The following KNTC1 variants were observed in gnomAD, a reference collection of about 807,000 sequenced individuals.
KNTC1 encodes the protein kinetochore associated 1, also known as kinetochore-associated protein 1.
In KNTC1, 253 loss-of-function variants were observed where a neutral mutation model predicts 314.4. That is an observed-to-expected ratio of 0.80 (90% CI 0.73 to 0.89). The LOEUF is 0.89. Ranked by LOEUF, KNTC1 falls within the 40% of genes least tolerant of loss-of-function variation. The pLI is 0.00. For missense variants in KNTC1, 2,475 were observed against 2,572.9 expected, an observed-to-expected ratio of 0.96 and a Z score of 0.82; for synonymous variants, 901 against 901.4, an observed-to-expected ratio of 1.00 and a Z score of 0.01.
At chr12:122,547,842 C>A in intron 11 of KNTC1, 73 bp from the exon 12 acceptor site, 1 of 847,220 alleles carries the variant, frequency 1.2e-6, no homozygotes, top group Non-Finnish European at 1.8e-6. Flanking sequence ...CTTTTTTAAT[C>A]AATAGATAAT....
chr12:122,570,364 C>G (rs933836636), intron 22 of KNTC1, among the ~76,000 whole-genome samples: 3 of 151,836 alleles, frequency 2.0e-5, no homozygotes, highest in Non-Finnish European at 2.9e-5. Context: ...ACTAAAAATA[C>G]AAAAATTAGC....
rs544891629 is a variant in KNTC1 at position 122,603,427 on chromosome 12, T to C, written c.5101+184T>C. On this transcript the variant is annotated intron_variant, in intron 48 of 63. Transcript: ENST00000333479. The stretch of plus-strand genomic sequence containing the variant: ...AGGCAGGCAATTTCCAACTTGTCCT[T>C]GTGCCGCCTTTGGGGTGTGACCTTT... Among the ~76,000 whole-genome samples the C allele has an allele frequency of 2.8e-4, 43 of 152,088 alleles. No individual in the cohort carries two copies. The South Asian group carries it at 8.9e-3, about 32-fold the overall frequency.
chr12:122,537,379 C>G (rs965657160), intron 3 of KNTC1, among the ~76,000 whole-genome samples: 1 of 152,074 alleles, frequency 6.6e-6, no homozygotes, highest in Non-Finnish European at 1.5e-5. Flanking sequence ...CACCTTCTTA[C>G]ATGTCTCACA....
intron 26 of KNTC1, among the ~76,000 whole-genome samples, 193 bp downstream of exon 26, chr12:122,573,478 A>G (rs2137926122): frequency 1.3e-5 from 2 of 152,292 alleles, no homozygotes; most frequent in South Asian, 4.1e-4. Flanking sequence ...AGGACTGTGA[A>G]CCCGGAAAAT....
At chr12:122,576,248 A>G (rs573220693) in intron 29 of KNTC1, among the ~76,000 whole-genome samples, 196 of 152,014 alleles carry the variant, frequency 1.3e-3, no homozygotes, top group African/African-American at 4.6e-3. Context: ...TATTTTTAGT[A>G]GAGATGGGGT....
chr12:122,585,908 G>A, intron 37 of KNTC1, 134 bp downstream of exon 37: 1 of 755,866 alleles, frequency 1.3e-6, no homozygotes, highest in Non-Finnish European at 2.2e-6. Flanking sequence ...TAAAGAAGCA[G>A]ATACAAAAGA....
At position 122,622,558 on chromosome 12, in the gene KNTC1, A is replaced by G. The variant is rs1380399900; in HGVS notation, c.6466A>G (p.Asn2156Asp). ...YFQMLKMHAM[N>D]TNNITELVNY... ...TCAAATGTTGAAGATGCATGCGATG[A>G]ATACCAACAATATCACTGAGCTAGT... The change falls in exon 62 of 64, where the codon AAT becomes GAT. Residue 2156 changes from asparagine to aspartate, a missense_variant. Asn to Asp is a conservative substitution (Grantham distance 23). Transcript: ENST00000333479. 1.3e-6 allele frequency: 2 copies of G among 1,569,484 alleles called. No individual in the cohort carries two copies. The highest frequency in any genetic ancestry group is 1.2e-5 in the South Asian group (1 of 85,330).
intron 4 of KNTC1, among the ~76,000 whole-genome samples, chr12:122,539,210 C>G (rs1962089185): frequency 6.6e-6 from 1 of 152,162 alleles, no homozygotes; most frequent in South Asian, 2.1e-4. Flanking sequence ...TTCCAGTCAG[C>G]TTGTTAAGGG....
chr12:122,602,600 A>G lies in KNTC1; in HGVS notation c.4685A>G (p.Tyr1562Cys). Residue 1562 changes from tyrosine to cysteine, a missense_variant, in exon 46 of 64, where the codon TAC becomes TGC. Coordinates refer to ENST00000333479, the MANE Select transcript of KNTC1 (RefSeq NM_014708.6). ...AGTATTCTGAAACATTTGAAGTCAT[A>G]CAGAAGAATTTCTCCTCCCGTGGAT... ...ALSILKHLKS[Y>C]RRISPPVDLE... The G allele has an allele frequency of 6.2e-7, 1 of 1,611,356 alleles. No individual in the cohort carries two copies. Among genetic ancestry groups the G allele is most frequent in the Non-Finnish European group, 8.5e-7 (1 of 1,178,030 alleles).
At chr12:122,535,889 G>GTTT (rs1190271040) in intron 3 of KNTC1, among the ~76,000 whole-genome samples, 5 of 133,526 alleles carry the variant, frequency 3.7e-5, no homozygotes, top group Admixed American at 1.5e-4. Context: ...TATTATGAAA[G>GTTT]TTTTTTTTTT....
intron 1 of KNTC1, 144 bp from the exon 2 acceptor site, chr12:122,529,847 A>C: frequency 2.5e-6 from 1 of 402,658 alleles, no homozygotes; most frequent in Admixed American, 4.1e-5. Flanking sequence ...CTCTAGTTCC[A>C]TTTATGTTAT....
At chr12:122,529,022 T>G (rs1339302898) in intron 1 of KNTC1, among the ~76,000 whole-genome samples, 11 of 152,070 alleles carry the variant, frequency 7.2e-5, no homozygotes, top group Non-Finnish European at 2.9e-5. Context: ...TTTTGTGTTT[T>G]TAGTAGAGAG....
chr12:122,554,918 G>A (rs991353851), intron 16 of KNTC1, among the ~76,000 whole-genome samples: 4 of 152,086 alleles, frequency 2.6e-5, no homozygotes, highest in African/African-American at 4.8e-5. Flanking sequence ...GGTGGTGTGC[G>A]CCTGTAGTCC....
intron 20 of KNTC1, chr12:122,563,798 A>G (rs1222854454): frequency 6.8e-6 from 10 of 1,473,496 alleles, no homozygotes; most frequent in Admixed American, 2.1e-5. Context: ...ACTCTTCCAC[A>G]GTTTTTTCAG....
At chr12:122,579,306 C>T (rs906500532) in intron 31 of KNTC1, among the ~76,000 whole-genome samples, 4 of 151,298 alleles carry the variant, frequency 2.6e-5, no homozygotes, top group South Asian at 2.1e-4. Flanking sequence ...CCTCGTGATC[C>T]GCCTGCCTCG....
chr12:122,620,268 G>A lies in KNTC1; in HGVS notation c.6150-211G>A, dbSNP rs1215564407. Reference sequence around the variant, plus strand: ...GACATAATCATGATAGCAAACAGTAGTCCGTGTTCCCATGGGTAAATTCTT... The same window carrying A: ...GACATAATCATGATAGCAAACAGTAATCCGTGTTCCCATGGGTAAATTCTT... On this transcript the variant is annotated intron_variant, in intron 59 of 63. Transcript: ENST00000333479. 8.9e-6 allele frequency: 3 copies of A among 335,794 alleles called. No homozygotes were observed. The East Asian group carries it at 1.6e-4, about 18-fold the overall frequency. The allele number at this position is 335,794 out of a possible 1,614,324, so 20.8% of individuals were successfully genotyped here. A position where few individuals can be genotyped will look rare whatever the true frequency, so the allele number is the denominator to read the frequency against.
rs147945888 is a variant in KNTC1 at position 122,547,417 on chromosome 12, C to T, written c.819C>T (p.Asn273=). Residue 273 remains asparagine (N), a splice_region_variant and synonymous_variant, in exon 11 of 64, where the codon AAC becomes AAT. Transcript: ENST00000333479. The part of the protein sequence containing the change: ...DNLLFVLDTD[N]VLSLWDIYTL... ...TAAATGAAATGTCTCTATTGCAGAA[C>T]GTGCTGAGTTTATGGGATATTTACA... 9 of 1,584,704 alleles carry T rather than the reference C, an allele frequency of 5.7e-6. No individual in the cohort carries two copies. Among genetic ancestry groups the T allele is most frequent in the Middle Eastern group, 1.7e-4 (1 of 6,014 alleles).
intron 12 of KNTC1, among the ~76,000 whole-genome samples, chr12:122,548,747 C>T (rs886241325): frequency 1.3e-5 from 2 of 151,976 alleles, no homozygotes; most frequent in African/African-American, 2.4e-5. Context: ...GCAGGTGGAT[C>T]ACCTGAGGTC....
chr12:122,542,499 C>A (rs1275889346), intron 6 of KNTC1, among the ~76,000 whole-genome samples: 1 of 152,178 alleles, frequency 6.6e-6, no homozygotes, highest in South Asian at 2.1e-4. Flanking sequence ...GGCGTGGTGG[C>A]TCATGCCTGT....
Sources: allele counts gnomAD v4.1 joint callset (sites outside exome capture counted in the v4.1 genomes callset), GRCh38; gene constraint gnomAD v4.1.1; transcripts MANE v1.5; gene names NCBI Gene and HGNC (gene_info 2026-07-23, HGNC 2026-07-21).